Variants in NAV3 observed in about 807,000 individuals in gnomAD.
NAV3 encodes the protein neuron navigator 3.
In NAV3, 87 loss-of-function variants were observed where a neutral mutation model predicts 244.7. The ratio of observed to expected loss-of-function variants is 0.36; its 90% CI spans 0.30 to 0.42. The LOEUF (loss-of-function observed/expected upper bound fraction) is 0.42, where lower values mean the gene tolerates loss of function less well. Ranked by LOEUF, NAV3 falls within the 20% of genes least tolerant of loss-of-function variation. The probability of loss-of-function intolerance (pLI) is 1.00; values close to 1 mark genes in which losing one functional copy is unlikely to be tolerated. For synonymous variants in NAV3, 1,126 were observed against 1,042.2 expected (o/e 1.08, Z -1.55); for missense variants, 2,663 against 2,893.3 (o/e 0.92, Z 1.83).
chr12:78,019,427 C>A (rs563173203), intron 8 of NAV3, among the ~76,000 whole-genome samples: 1 of 152,040 alleles, frequency 6.6e-6, no homozygotes, highest in African/African-American at 2.4e-5. Context: ...TGGAGAATAG[C>A]GTCTAGTCTG....
intron 2 of NAV3, among the ~76,000 whole-genome samples, chr12:77,774,391 C>T (rs979203784): frequency 2.0e-5 from 3 of 152,040 alleles, no homozygotes; most frequent in Admixed American, 2.0e-4. Context: ...ATAATCACTA[C>T]TCAGTCAGCA....
Position 77,792,511 on chromosome 12 carries a change from T to C in NAV3, c.73-147808T>C, listed in dbSNP as rs191396398. Among the ~76,000 whole-genome samples, 487 of 152,306 alleles carry C rather than the reference T, an allele frequency of 3.2e-3. 3 individuals are homozygous for C. Among genetic ancestry groups the C allele is most frequent in the South Asian group, 0.011 (52 of 4,824 alleles). ...ACCTGCTGCCCTGCTCTGAAATCCATTGCCACATTTACACATGCTTTCCAG... is the reference window on the plus strand; with the variant it reads ...ACCTGCTGCCCTGCTCTGAAATCCACTGCCACATTTACACATGCTTTCCAG... On this transcript the variant is annotated intron_variant, in intron 2 of 8. Coordinates refer to the NAV3 transcript ENST00000550042.
chr12:78,200,560 A>T lies in NAV3; in HGVS notation c.6803A>T (p.Tyr2268Phe), dbSNP rs2140031976. 2.5e-6 allele frequency: 4 copies of T among 1,586,996 alleles called. No homozygotes were observed. Among genetic ancestry groups the T allele is most frequent in the Non-Finnish European group, 3.4e-6 (4 of 1,164,858 alleles). The change falls in exon 38 of 40, where the codon TAT becomes TTT. Residue 2268 changes from tyrosine (Y) to phenylalanine (F), a missense_variant. Coordinates refer to ENST00000397909, the MANE Select transcript of NAV3 (RefSeq NM_001024383.2). ...CTCTGGAACTATTCTTTAGTACCTT[A>T]TATTCTGGAGGCAGTGAGAGAGGGT... is the stretch of plus-strand genomic sequence containing the variant. Reference protein sequence around the residue: ...MDLWNYSLVPYILEAVREGLQ... With the variant: ...MDLWNYSLVPFILEAVREGLQ...
intron 24 of NAV3, among the ~76,000 whole-genome samples, chr12:78,175,064 A>C (rs1170201035): frequency 6.6e-6 from 1 of 152,036 alleles, no homozygotes; most frequent in African/African-American, 2.4e-5. Flanking sequence ...AGAACTCATT[A>C]AACTGCCAGG....
intron 1 of NAV3, among the ~76,000 whole-genome samples, chr12:77,872,968 C>T (rs7295609): frequency 0.22 from 32,853 of 152,126 alleles, 4,090 homozygotes; most frequent in Middle Eastern, 0.3. Context: ...ATGTCATGGG[C>T]GGGACCCCGC....
intron 2 of NAV3, among the ~76,000 whole-genome samples, chr12:77,655,442 A>G (rs1228083520): frequency 1.3e-5 from 2 of 152,242 alleles, no homozygotes; most frequent in African/African-American, 4.8e-5. Context: ...GCCTCCAAGA[A>G]ATATGTGACT....
At chr12:77,838,710 TCAC>T (rs1270769860) in intron 1 of NAV3, among the ~76,000 whole-genome samples, 2 of 152,182 alleles carry the variant, frequency 1.3e-5, no homozygotes, top group Non-Finnish European at 2.9e-5. Flanking sequence ...TGCTATCAAA[TCAC>T]CAACAATTAT....
chr12:77,651,686 T>A (rs1383202160), intron 2 of NAV3, among the ~76,000 whole-genome samples: 3 of 152,196 alleles, frequency 2.0e-5, no homozygotes, highest in Non-Finnish European at 4.4e-5. Context: ...TGGTTATTAT[T>A]TTTTAGTCTA....
intron 12 of NAV3, among the ~76,000 whole-genome samples, chr12:78,098,063 C>A (rs1476215723): frequency 1.3e-5 from 2 of 152,034 alleles, no homozygotes; most frequent in African/African-American, 4.8e-5. Flanking sequence ...GTGAAGATTA[C>A]ACATTTTCTA....
intron 1 of NAV3, among the ~76,000 whole-genome samples, chr12:77,871,795 A>C (rs1212561770): frequency 6.6e-6 from 1 of 152,208 alleles, no homozygotes; most frequent in Non-Finnish European, 1.5e-5. Context: ...TCCATTGGGT[A>C]CGTACCCAGT....
At chr12:77,985,481 C>T (rs1204377546) in intron 5 of NAV3, among the ~76,000 whole-genome samples, 1 of 151,966 alleles carries the variant, frequency 6.6e-6, no homozygotes, top group African/African-American at 2.4e-5. Flanking sequence ...AGAATAACAT[C>T]AGTGATGGCT....
rs2138852311 is a variant in NAV3, at chr12:78,128,783, A to G, written c.4358A>G (p.Gln1453Arg). 6.2e-7 allele frequency: 1 copy of G among 1,614,100 alleles called. No homozygotes were observed. Among genetic ancestry groups the G allele is most frequent in the Non-Finnish European group, 8.5e-7 (1 of 1,179,986 alleles). The change falls in exon 18 of 40, where the codon CAG becomes CGG. Residue 1453 changes from glutamine to arginine, a missense_variant. Gln to Arg is a conservative substitution (Grantham distance 43, BLOSUM62 1). Around this residue, in one of 6 missense-constraint regions of NAV3, gnomAD observed 354 missense variants for 413.0 expected, o/e 0.86. Transcript: ENST00000397909. ...CGTTCTCATTCTACTGGAGGGCTTC[A>G]GGACACTGGCAACCAGTCACCTCTG... ...WLRSHSTGGL[Q>R]DTGNQSPLVS...
intron 3 of NAV3, among the ~76,000 whole-genome samples, chr12:77,957,338 G>C (rs1347644255): frequency 1.3e-5 from 2 of 152,172 alleles, no homozygotes; most frequent in East Asian, 3.9e-4. Flanking sequence ...TAATCACTTA[G>C]TGTTAAGTGT....
chr12:77,593,649 T>C (rs1870027393), intron 2 of NAV3, among the ~76,000 whole-genome samples: 1 of 134,052 alleles, frequency 7.5e-6, no homozygotes, highest in Non-Finnish European at 1.6e-5. Context: ...TTTTTTTTTG[T>C]ATTTTTAGTA....
At chr12:78,036,074 G>A (rs1879822869) in intron 9 of NAV3, among the ~76,000 whole-genome samples, 2 of 152,052 alleles carry the variant, frequency 1.3e-5, no homozygotes, top group African/African-American at 4.8e-5. Flanking sequence ...AGATTGGGTG[G>A]CTGAGAGTCA....
intron 22 of NAV3, among the ~76,000 whole-genome samples, chr12:78,154,313 G>GTATATATTACTATATAATATATCA (rs1555183047): frequency 7.7e-6 from 1 of 130,482 alleles, no homozygotes; most frequent in Admixed American, 8.7e-5. Flanking sequence ...ATAATATATA[G>GTATATATTACTATATAATATATCA]TATATATATA....
chr12:78,198,527 T>G, intron 35 of NAV3, 78 bp from the exon 36 acceptor site: 1 of 792,830 alleles, frequency 1.3e-6, no homozygotes, highest in South Asian at 1.6e-5. Flanking sequence ...TCTATCCTAG[T>G]AGTTTTCCAA....
At chr12:77,818,511 G>A (rs117962022) in intron 2 of NAV3, among the ~76,000 whole-genome samples, 272 of 152,178 alleles carry the variant, frequency 1.8e-3, no homozygotes, top group Admixed American at 5.6e-3. Context: ...GTTTGGTTTG[G>A]TTTGGTTTGC....
At chr12:78,154,587 A>G (rs933663168) in intron 22 of NAV3, among the ~76,000 whole-genome samples, 6 of 151,478 alleles carry the variant, frequency 4.0e-5, no homozygotes, top group African/African-American at 1.2e-4. Context: ...GATTGAAATG[A>G]TATTCCCTTT....
Sources: gnomAD v4.1 joint callset for allele counts (sites outside exome capture counted in the v4.1 genomes callset) on GRCh38, gnomAD v4.1.1 for gene constraint, gnomAD v4.1.1 regional missense constraint, MANE v1.5 for transcripts, NCBI Gene and HGNC (gene_info 2026-07-23, HGNC 2026-07-21) for gene names.